FAM20A: variants seen among roughly 807,000 people sequenced by gnomAD.
FAM20A encodes pseudokinase FAM20A.
A neutral mutation model predicts 52.0 loss-of-function variants in FAM20A; 42 were observed. That is an observed-to-expected ratio of 0.81 (90% confidence interval 0.63 to 1.04). The LOEUF is 1.04. FAM20A is among the 50% of genes least tolerant of loss of function. The probability of loss-of-function intolerance (pLI) is 0.00; values close to 1 mark genes in which losing one functional copy is unlikely to be tolerated. For synonymous variants in FAM20A, 304 were observed against 298.9 expected, an observed-to-expected ratio of 1.02 and a Z score of -0.18; for missense variants, 742 against 712.7, an observed-to-expected ratio of 1.04 and a Z score of -0.47.
intron 1 of FAM20A, among the ~76,000 whole-genome samples, chr17:68,566,336 A>G (rs936294721): frequency 2.0e-5 from 3 of 152,260 alleles, no homozygotes; most frequent in African/African-American, 7.2e-5. Context: ...CACCTTGTGC[A>G]CAGAAGGTAC....
Position 68,537,810 on chromosome 17 carries a change from C to T in FAM20A, c.1362-69G>A, listed in dbSNP as rs1407207522. On this transcript the variant is annotated intron_variant, in intron 10 of 10. Coordinates refer to ENST00000592554, the MANE Select transcript of FAM20A (RefSeq NM_017565.4). The surrounding 1 kb of genome is among the most constrained non-coding windows in gnomAD (Gnocchi z 4.2). ...AAAATAACTTGCCTGAACTTCTTTC[C>T]CCACAAACAGCTGTTGTAGCTGATA... The T allele has an allele frequency of 3.9e-6, 6 of 1,520,254 alleles. No individual in the cohort carries two copies. The highest frequency in any genetic ancestry group is 2.8e-5 in the African/African-American group (2 of 72,426). The allele number at this position is 1,520,254 out of a possible 1,614,324, so 94.2% of individuals were successfully genotyped here. A position where few individuals can be genotyped will look rare whatever the true frequency, so the allele number is the denominator to read the frequency against.
In FAM20A at chr17:68,576,633, CA is replaced by C. The variant is rs140826328; in HGVS notation, c.405-20891del. ...GGAGATCCTCGCTGTAGACACCTTT[CA>C]GACACTTAGTGGTGGGTACTACAGA... On this transcript the variant is annotated intron_variant, in intron 1 of 10. Coordinates refer to ENST00000592554, the MANE Select transcript of FAM20A (RefSeq NM_017565.4). Among the ~76,000 whole-genome samples, 1,242 of 152,340 alleles carry C rather than the reference CA, an allele frequency of 8.2e-3. 17 individuals carry two copies. Among genetic ancestry groups the C allele is most frequent in the African/African-American group, 0.029 (1,188 of 41,576 alleles).
intron 1 of FAM20A, among the ~76,000 whole-genome samples, chr17:68,588,282 ACTT>A (rs1412979265): frequency 1.3e-5 from 2 of 152,236 alleles, no homozygotes; most frequent in African/African-American, 4.8e-5. Context: ...GGCTGGGGTC[ACTT>A]CTTTAAGGAA....
At chr17:68,592,549 T>G (rs1448284788) in intron 1 of FAM20A, among the ~76,000 whole-genome samples, 1 of 152,202 alleles carries the variant, frequency 6.6e-6, no homozygotes, top group Non-Finnish European at 1.5e-5. Flanking sequence ...GAAGGTAAAT[T>G]TGCAATCTGA....
intron 3 of FAM20A, among the ~76,000 whole-genome samples, chr17:68,553,304 A>C (rs2086930310): frequency 1.3e-5 from 2 of 152,108 alleles, no homozygotes; most frequent in South Asian, 4.1e-4. Flanking sequence ...GCTTCCTGTT[A>C]AGCCTGCAGA....
chr17:68,591,744 G>A (rs528523670), intron 1 of FAM20A: 4 of 152,272 alleles, frequency 2.6e-5, no homozygotes, highest in African/African-American at 9.6e-5. Context: ...TGGGAGGATG[G>A]GGGTGGAGCC....
chr17:68,546,567 G>C (rs979977629), intron 4 of FAM20A, among the ~76,000 whole-genome samples: 1 of 151,810 alleles, frequency 6.6e-6, no homozygotes, highest in Non-Finnish European at 1.5e-5. Context: ...GTGGTGGCTC[G>C]CGCCTATAAT....
rs112999547 is a variant in FAM20A, at chr17:68,570,432, G to C, written c.405-14689C>G. On this transcript the variant is annotated intron_variant, in intron 1 of 10. Transcript: ENST00000592554. Reference sequence around the variant, plus strand: ...TAATGTGCTCCTTATCTCACACCTAGTGGATGATAGCTTCAGGAGAACGAC... The same window carrying C: ...TAATGTGCTCCTTATCTCACACCTACTGGATGATAGCTTCAGGAGAACGAC... Among the ~76,000 whole-genome samples, 759 of 152,308 alleles carry C rather than the reference G, an allele frequency of 5.0e-3. 8 individuals carry two copies. The highest frequency in any genetic ancestry group is 0.017 in the African/African-American group (718 of 41,554).
intron 4 of FAM20A, among the ~76,000 whole-genome samples, chr17:68,547,010 CTTTT>C (rs559157360): frequency 2.0e-5 from 3 of 146,458 alleles, no homozygotes; most frequent in Non-Finnish European, 4.5e-5. Context: ...TGAAAGGAAT[CTTTT>C]TTTTTTTCTT....
chr17:68,575,502 G>GATATTATATATTTTGT (rs1555830287), intron 1 of FAM20A, among the ~76,000 whole-genome samples: 68 of 87,192 alleles, frequency 7.8e-4, no homozygotes, highest in Non-Finnish European at 1.3e-3. Flanking sequence ...ATAGATATTA[G>GATATTATATATTTTGT]ATATTATATA....
intron 1 of FAM20A, among the ~76,000 whole-genome samples, chr17:68,569,131 C>G (rs545814503): frequency 6.6e-6 from 1 of 152,312 alleles, no homozygotes; most frequent in Non-Finnish European, 1.5e-5. Flanking sequence ...ATTGCATCCA[C>G]ACCCCCCAGC....
intron 5 of FAM20A, among the ~76,000 whole-genome samples, chr17:68,543,268 G>A (rs747220351): frequency 1.3e-5 from 2 of 152,148 alleles, no homozygotes; most frequent in Non-Finnish European, 2.9e-5. Flanking sequence ...GGAGTGGAAT[G>A]TTTAGGAATG....
intron 1 of FAM20A, among the ~76,000 whole-genome samples, chr17:68,569,019 C>A (rs920299836): frequency 6.6e-6 from 1 of 150,974 alleles, no homozygotes; most frequent in African/African-American, 2.5e-5. Context: ...TACAGAAGCT[C>A]CCTCCTTTTC....
At position 68,584,496 on chromosome 17, in the gene FAM20A, T is replaced by C. The variant is rs142701993; in HGVS notation, c.404+15767A>G. On this transcript the variant is annotated intron_variant, in intron 1 of 10. Transcript: ENST00000592554. ...GGACAACATCTGGGACCCCTGTGGG[T>C]CAGCAGGACAGGAAAGTTCTCTCTG... Among the ~76,000 whole-genome samples the C allele has an allele frequency of 6.0e-3, 910 of 152,154 alleles. 7 individuals carry two copies. The highest frequency in any genetic ancestry group is 0.021 in the African/African-American group (881 of 41,478).
At chr17:68,597,620 G>A (rs2088489957) in intron 1 of FAM20A, among the ~76,000 whole-genome samples, 1 of 152,098 alleles carries the variant, frequency 6.6e-6, no homozygotes. Context: ...CCTGACCTCA[G>A]GTGATCTGCC....
At chr17:68,568,498 A>T (rs1467803740) in intron 1 of FAM20A, among the ~76,000 whole-genome samples, 1 of 151,420 alleles carries the variant, frequency 6.6e-6, no homozygotes, top group Admixed American at 6.6e-5. Context: ...ATAAATAAAA[A>T]TTTTAAAAAT....
rs762483955 is a variant in FAM20A, at chr17:68,537,534, G to A, written c.1569C>T (p.Val523=). Residue 523 remains valine (V), a synonymous_variant, in exon 11 of 11, where the codon GTC becomes GTT. Coordinates refer to ENST00000592554, the MANE Select transcript of FAM20A (RefSeq NM_017565.4). The surrounding 1 kb of genome is among the most constrained non-coding windows in gnomAD (Gnocchi z 4.2). The stretch of plus-strand genomic sequence containing the variant: ...GGGCCAACTGTTCCACTGGGCCGTC[G>A]ACTATGACACTCTGCTGTCCATGGG... The part of the protein sequence containing the change: ...IVAHGQQSVI[V]DGPVEQLAPD... 2.4e-5 allele frequency: 38 copies of A among 1,613,794 alleles called. No individual in the cohort carries two copies. Among genetic ancestry groups the A allele is most frequent in the South Asian group, 3.3e-5 (3 of 90,994 alleles).
At chr17:68,586,274 T>C (rs2088162202) in intron 1 of FAM20A, among the ~76,000 whole-genome samples, 1 of 152,230 alleles carries the variant, frequency 6.6e-6, no homozygotes, top group African/African-American at 2.4e-5. Context: ...CTAGATAATC[T>C]TTTATCTAAA....
chr17:68,549,734 A>G (rs900583158), intron 4 of FAM20A, among the ~76,000 whole-genome samples: 11 of 152,212 alleles, frequency 7.2e-5, no homozygotes, highest in African/African-American at 1.9e-4. Flanking sequence ...TTTAAACTCT[A>G]TGACAACCAG....
Sources: allele counts gnomAD v4.1 joint callset (sites outside exome capture counted in the v4.1 genomes callset), GRCh38; gene constraint gnomAD v4.1.1; non-coding constraint Gnocchi (gnomAD v3.1); transcripts MANE v1.5; gene names NCBI Gene and HGNC (gene_info 2026-07-23, HGNC 2026-07-21).